Variants in EXOC4 observed in about 807,000 individuals in gnomAD.
EXOC4 encodes exocyst complex component 4, also known as SEC8-like 1.
In EXOC4, 71 loss-of-function variants were observed where a neutral mutation model predicts 107.2. That is an observed-to-expected ratio of 0.66 (90% confidence interval 0.55 to 0.81). EXOC4 has a LOEUF of 0.81. EXOC4 is among the 30% of genes least tolerant of loss of function. The pLI, the probability that EXOC4 is intolerant of heterozygous loss-of-function variation, is 0.00. For missense variants in EXOC4, 1,108 were observed against 1,189.6 expected (o/e 0.93, Z 1.01); for synonymous variants, 456 against 441.2 (o/e 1.03, Z -0.42).
intron 10 of EXOC4, among the ~76,000 whole-genome samples, chr7:133,691,205 T>C (rs895014105): frequency 6.6e-6 from 1 of 152,186 alleles, no homozygotes. Context: ...ATGAGAAATA[T>C]GAAACTAATG....
intron 5 of EXOC4, among the ~76,000 whole-genome samples, chr7:133,341,507 C>A (rs1032886284): frequency 5.3e-5 from 8 of 152,108 alleles, no homozygotes; most frequent in Admixed American, 5.2e-4. Flanking sequence ...GTATATTCTG[C>A]AGTTGTTGGA....
chr7:133,625,996 C>T (rs1237420124), intron 9 of EXOC4, among the ~76,000 whole-genome samples: 2 of 152,148 alleles, frequency 1.3e-5, no homozygotes, highest in East Asian at 3.9e-4. Flanking sequence ...CACTTGAGGT[C>T]AGGAGTTTGA....
intron 11 of EXOC4, among the ~76,000 whole-genome samples, chr7:133,826,872 C>T (rs536703849): frequency 2.0e-5 from 3 of 152,146 alleles, no homozygotes; most frequent in Admixed American, 1.3e-4. Context: ...CACCCACATA[C>T]TCACCACCCG....
intron 2 of EXOC4, among the ~76,000 whole-genome samples, chr7:133,280,559 A>C (rs1794108903): frequency 1.3e-5 from 2 of 152,182 alleles, no homozygotes; most frequent in South Asian, 4.1e-4. Flanking sequence ...AGATGTGCAC[A>C]CAAACACTTA....
intron 9 of EXOC4, among the ~76,000 whole-genome samples, chr7:133,504,629 G>T (rs1014706534): frequency 6.6e-6 from 1 of 152,070 alleles, no homozygotes; most frequent in Non-Finnish European, 1.5e-5. Flanking sequence ...ATCATTGCTG[G>T]TGATGGGTGG....
intron 9 of EXOC4, among the ~76,000 whole-genome samples, chr7:133,511,950 G>A (rs559854961): frequency 1.2e-4 from 19 of 152,254 alleles, no homozygotes; most frequent in African/African-American, 4.6e-4. Flanking sequence ...ACCACTTCAC[G>A]CTTAGCCACA....
At chr7:133,861,301 T>C (rs1798528447) in intron 11 of EXOC4, among the ~76,000 whole-genome samples, 1 of 152,158 alleles carries the variant, frequency 6.6e-6, no homozygotes, top group Admixed American at 6.6e-5. Context: ...AACTACCTAT[T>C]AGGTACTATG....
At chr7:134,015,143 G>T (rs984684587) in intron 17 of EXOC4, among the ~76,000 whole-genome samples, 2 of 152,116 alleles carry the variant, frequency 1.3e-5, no homozygotes, top group Admixed American at 6.5e-5. Context: ...GCTGGCTTTG[G>T]GTAAGCCACA....
At position 133,336,939 on chromosome 7, in the gene EXOC4, T is replaced by A. The variant is rs548154169; in HGVS notation, c.764-19391T>A. On this transcript the variant is annotated intron_variant, in intron 5 of 17. Coordinates refer to ENST00000253861, the MANE Select transcript of EXOC4 (RefSeq NM_021807.4). ...TAGTAGAGACGGGGTTTCACTATGT[T>A]GGGCAGGATTGTCTTGATCTCCTGA... Among the ~76,000 whole-genome samples the A allele has an allele frequency of 7.9e-5, 12 of 152,170 alleles. No homozygotes were observed. In the South Asian group the frequency reaches 2.5e-3, roughly 32 times the overall value.
chr7:133,757,729 C>T (rs575890687), intron 10 of EXOC4, among the ~76,000 whole-genome samples: 36 of 152,318 alleles, frequency 2.4e-4, no homozygotes, highest in Non-Finnish European at 4.3e-4. Context: ...ATTGGCTCCT[C>T]GTCAGCCCTG....
chr7:133,895,748 T>G lies in EXOC4; in HGVS notation c.1871+13T>G, dbSNP rs1053096984. On this transcript the variant is annotated intron_variant, in intron 12 of 17. Coordinates refer to ENST00000253861, the MANE Select transcript of EXOC4 (RefSeq NM_021807.4). ...CTGCAGCTTACAGGTAGAGCTTCTG[T>G]TAGGGGCTAAGCAAAGTAACGTTTG... 6.2e-7 allele frequency: 1 copy of G among 1,611,796 alleles called. No individual in the cohort carries two copies. Among genetic ancestry groups the G allele is most frequent in the Non-Finnish European group, 8.5e-7 (1 of 1,178,742 alleles).
Position 133,541,269 on chromosome 7 carries a change from G to T in EXOC4, c.1417+61131G>T, listed in dbSNP as rs555158855. On this transcript the variant is annotated intron_variant, in intron 9 of 17. Transcript: ENST00000253861. Reference sequence around the variant, plus strand: ...TCAGTTGCCGTTTCTGAGAACCTATGCCCAAATGGCCTTCAGCTTAATTTT... The same window carrying T: ...TCAGTTGCCGTTTCTGAGAACCTATTCCCAAATGGCCTTCAGCTTAATTTT... Among the ~76,000 whole-genome samples the T allele has an allele frequency of 3.3e-5, 5 of 152,228 alleles. No individual in the cohort carries two copies. The East Asian group carries it at 9.7e-4, about 29-fold the overall frequency.
At position 133,909,919 on chromosome 7, in the gene EXOC4, ATTTTTTTTT is replaced by A. The variant is rs764890539; in HGVS notation, c.1872-7648_1872-7640del. Among the ~76,000 whole-genome samples, 26 of 75,502 alleles carry A rather than the reference ATTTTTTTTT, an allele frequency of 3.4e-4. 1 individual carries two copies. Among genetic ancestry groups the A allele is most frequent in the African/African-American group, 1.5e-3 (26 of 17,646 alleles). The allele number at this position is 75,502 out of a possible 152,430, so 49.5% of individuals were successfully genotyped here. A position where few individuals can be genotyped will look rare whatever the true frequency, so the allele number is the denominator to read the frequency against. ...ATCTGAACATTGACGGTTGAGACAG[ATTTTTTTTT>A]TTTTTTTTTTTTTTTGAGGAGTTTT... On this transcript the variant is annotated intron_variant, in intron 12 of 17. Transcript: ENST00000253861.
At chr7:133,507,642 C>T (rs916715782) in intron 9 of EXOC4, among the ~76,000 whole-genome samples, 1 of 152,174 alleles carries the variant, frequency 6.6e-6, no homozygotes, top group African/African-American at 2.4e-5. Context: ...GAATGAGAAT[C>T]ACTCCTATGT....
intron 17 of EXOC4, among the ~76,000 whole-genome samples, chr7:134,020,653 T>C (rs1267871718): frequency 6.6e-6 from 1 of 152,178 alleles, no homozygotes; most frequent in Admixed American, 6.5e-5. Context: ...CTTTAATTGT[T>C]GCATGAATTT....
chr7:133,950,524 G>C lies in EXOC4; in HGVS notation c.2206+12455G>C, dbSNP rs544754645. Among the ~76,000 whole-genome samples, 22 of 141,678 alleles carry C rather than the reference G, an allele frequency of 1.6e-4. No homozygotes were observed. In the South Asian group the frequency reaches 4.2e-3, roughly 27 times the overall value. The allele number at this position is 141,678 out of a possible 152,430, so 92.9% of individuals were successfully genotyped here. A position where few individuals can be genotyped will look rare whatever the true frequency, so the allele number is the denominator to read the frequency against. On this transcript the variant is annotated intron_variant, in intron 14 of 17. Transcript: ENST00000253861. ...TGGGAACTCTCTCCTTAGGCCTCAGGGTCTGCTCCTCTGTCCAAGAGAGTC... is the reference window on the plus strand; with the variant it reads ...TGGGAACTCTCTCCTTAGGCCTCAGCGTCTGCTCCTCTGTCCAAGAGAGTC...
intron 5 of EXOC4, among the ~76,000 whole-genome samples, chr7:133,334,931 A>G (rs1199272115): frequency 6.6e-6 from 1 of 152,170 alleles, no homozygotes; most frequent in Non-Finnish European, 1.5e-5. Context: ...TGTAGTATTC[A>G]TGTTGTATAT....
At chr7:133,552,151 G>A (rs990704896) in intron 9 of EXOC4, among the ~76,000 whole-genome samples, 2 of 150,142 alleles carry the variant, frequency 1.3e-5, no homozygotes, top group African/African-American at 2.5e-5. Context: ...TATTGCAGTT[G>A]TTTTATATCA....
At chr7:133,254,323 G>A (rs550345859) in intron 1 of EXOC4, among the ~76,000 whole-genome samples, 24 of 152,278 alleles carry the variant, frequency 1.6e-4, no homozygotes, top group Non-Finnish European at 2.9e-4. Flanking sequence ...TCTCTGTGTG[G>A]AAATGCTTAA....
Sources: gnomAD v4.1 joint callset for allele counts (sites outside exome capture counted in the v4.1 genomes callset) on GRCh38, gnomAD v4.1.1 for gene constraint, MANE v1.5 for transcripts, NCBI Gene and HGNC (gene_info 2026-07-23, HGNC 2026-07-21) for gene names.